KCNH1: variants seen among roughly 807,000 people sequenced by gnomAD.
The protein encoded by KCNH1 is voltage-gated delayed rectifier potassium channel KCNH1.
KCNH1 carries 27 observed loss-of-function variants against 69.2 expected under a neutral mutation model. The observed-to-expected ratio is 0.39, with a 90% CI of 0.29 to 0.54. KCNH1 has a LOEUF of 0.54. Ranked by LOEUF, KCNH1 falls within the 20% of genes least tolerant of loss-of-function variation. The pLI is 0.68. For missense variants in KCNH1, 798 were observed against 1,261.6 expected (o/e 0.63, Z 5.57); for synonymous variants, 456 against 487.7 (o/e 0.93, Z 0.86).
At chr1:211,008,682 G>C (rs1489616067) in intron 6 of KCNH1, among the ~76,000 whole-genome samples, 2 of 152,224 alleles carry the variant, frequency 1.3e-5, no homozygotes, top group Admixed American at 1.3e-4. Context: ...GGATAAAATG[G>C]AGGAGAACCT....
chr1:211,099,037 T>C (rs1027400243), intron 3 of KCNH1, among the ~76,000 whole-genome samples: 3 of 152,208 alleles, frequency 2.0e-5, no homozygotes, highest in Non-Finnish European at 4.4e-5. Flanking sequence ...GTATAACAAT[T>C]TTTACCTCAG....
intron 9 of KCNH1, among the ~76,000 whole-genome samples, chr1:210,780,230 A>T (rs1328568259): frequency 6.6e-6 from 1 of 152,216 alleles, no homozygotes; most frequent in Admixed American, 6.5e-5. Flanking sequence ...GTTTATTCAA[A>T]GACAGGCTCT....
intron 3 of KCNH1, 104 bp from the exon 4 acceptor site, chr1:211,090,794 T>C (rs1189794746): frequency 2.8e-6 from 3 of 1,068,488 alleles, no homozygotes; most frequent in Non-Finnish European, 4.0e-6. Flanking sequence ...AATTCATTTT[T>C]TAAATGGTCT....
intron 1 of KCNH1, among the ~76,000 whole-genome samples, chr1:211,110,355 C>T (rs1691435282): frequency 6.6e-6 from 1 of 152,142 alleles, no homozygotes; most frequent in Non-Finnish European, 1.5e-5. Context: ...CAATACTGAA[C>T]AATTCAGAGA....
At chr1:210,817,175 C>A (rs1271966746) in intron 7 of KCNH1, among the ~76,000 whole-genome samples, 1 of 152,046 alleles carries the variant, frequency 6.6e-6, no homozygotes, top group Non-Finnish European at 1.5e-5. Context: ...AATAATAGAT[C>A]CCCCAATCTT....
chr1:211,073,622 G>A (rs1283723998), intron 5 of KCNH1, among the ~76,000 whole-genome samples: 1 of 151,834 alleles, frequency 6.6e-6, no homozygotes. Context: ...ATAATACATA[G>A]GCCAAAGAAT....
chr1:210,802,953 T>C (rs1180486414), intron 8 of KCNH1, among the ~76,000 whole-genome samples: 1 of 152,032 alleles, frequency 6.6e-6, no homozygotes, highest in East Asian at 1.9e-4. Context: ...TAAAAAAAAA[T>C]GCTCCCTCAC....
intron 7 of KCNH1, among the ~76,000 whole-genome samples, chr1:210,824,497 A>C (rs996916363): frequency 6.6e-6 from 1 of 152,206 alleles, no homozygotes; most frequent in African/African-American, 2.4e-5. Context: ...AATGTGTAAA[A>C]GAAATGTTGT....
At chr1:210,927,874 T>C (rs1687605016) in intron 6 of KCNH1, among the ~76,000 whole-genome samples, 1 of 151,996 alleles carries the variant, frequency 6.6e-6, no homozygotes, top group African/African-American at 2.4e-5. Context: ...AAAGATATTC[T>C]ATGAAAATGG....
At chr1:210,885,255 G>A (rs1686576940) in intron 7 of KCNH1, among the ~76,000 whole-genome samples, 1 of 152,188 alleles carries the variant, frequency 6.6e-6, no homozygotes, top group Non-Finnish European at 1.5e-5. Flanking sequence ...GCAGCCCACG[G>A]AGGGTGAGCA....
chr1:210,970,872 T>C (rs1002761890), intron 6 of KCNH1, among the ~76,000 whole-genome samples: 4 of 152,014 alleles, frequency 2.6e-5, no homozygotes, highest in African/African-American at 9.7e-5. Flanking sequence ...GGGAGAAAAT[T>C]TTTGCAATCT....
At chr1:210,897,609 A>G (rs1461182366) in intron 7 of KCNH1, among the ~76,000 whole-genome samples, 1 of 152,208 alleles carries the variant, frequency 6.6e-6, no homozygotes, top group Admixed American at 6.5e-5. Flanking sequence ...ATAAGACAGG[A>G]TAATTTACTG....
intron 10 of KCNH1, among the ~76,000 whole-genome samples, chr1:210,769,855 G>T (rs1205274718): frequency 7.2e-5 from 11 of 152,174 alleles, no homozygotes; most frequent in Non-Finnish European, 1.5e-5. Flanking sequence ...GGGCAACAAA[G>T]TGTGAATTCA....
At chr1:210,876,353 A>C (rs1446992551) in intron 7 of KCNH1, among the ~76,000 whole-genome samples, 1 of 152,002 alleles carries the variant, frequency 6.6e-6, no homozygotes, top group Non-Finnish European at 1.5e-5. Flanking sequence ...CCTTCCATCT[A>C]CCTTCCTCCC....
intron 7 of KCNH1, among the ~76,000 whole-genome samples, chr1:210,915,501 T>C (rs559897065): frequency 6.6e-6 from 1 of 151,996 alleles, no homozygotes; most frequent in African/African-American, 2.4e-5. Flanking sequence ...CCATACCTTA[T>C]AGTCAGCCCC....
intron 7 of KCNH1, among the ~76,000 whole-genome samples, chr1:210,853,007 T>C (rs1056159993): frequency 6.6e-5 from 10 of 152,138 alleles, no homozygotes; most frequent in African/African-American, 2.4e-4. Context: ...ATGTGCTAGC[T>C]TTTCCAGTGG....
chr1:210,826,370 T>A (rs573004383), intron 7 of KCNH1, among the ~76,000 whole-genome samples: 203 of 152,240 alleles, frequency 1.3e-3, no homozygotes, highest in African/African-American at 4.7e-3. Context: ...CCCATCCCCA[T>A]GACTTTACAA....
intron 10 of KCNH1, among the ~76,000 whole-genome samples, chr1:210,720,612 C>T (rs1276685296): frequency 2.6e-5 from 4 of 152,076 alleles, no homozygotes; most frequent in Non-Finnish European, 5.9e-5. Context: ...TGCTTGCCCC[C>T]AAAGAACTGG....
At chr1:210,999,385 C>T (rs1234949341) in intron 6 of KCNH1, among the ~76,000 whole-genome samples, 1 of 152,090 alleles carries the variant, frequency 6.6e-6, no homozygotes, top group Non-Finnish European at 1.5e-5. Flanking sequence ...ACTATAAACA[C>T]CTCTACACAA....
Sources: gnomAD v4.1 joint callset for allele counts (sites outside exome capture counted in the v4.1 genomes callset) on GRCh38, gnomAD v4.1.1 for gene constraint, MANE v1.5 for transcripts, NCBI Gene and HGNC (gene_info 2026-07-23, HGNC 2026-07-21) for gene names.